The following BCKDHB variants were observed in gnomAD, a reference collection of about 807,000 sequenced individuals.
BCKDHB encodes the protein branched chain keto acid dehydrogenase E1 subunit beta, also known as 2-oxoisovalerate dehydrogenase subunit beta, mitochondrial.
BCKDHB carries 41 observed loss-of-function variants against 48.5 expected under a neutral mutation model. The ratio of observed to expected loss-of-function variants is 0.85; its 90% confidence interval spans 0.66 to 1.10. The LOEUF is 1.10. Ranked by LOEUF, BCKDHB falls within the 50% of genes least tolerant of loss-of-function variation. BCKDHB has a pLI of 0.00. For missense variants in BCKDHB, 496 were observed against 494.2 expected, an observed-to-expected ratio of 1.00 and a Z score of -0.03; for synonymous variants, 201 against 174.8, an observed-to-expected ratio of 1.15 and a Z score of -1.18.
intron 8 of BCKDHB, among the ~76,000 whole-genome samples, chr6:80,227,091 A>G (rs1775712036): frequency 6.6e-6 from 1 of 152,252 alleles, no homozygotes; most frequent in African/African-American, 2.4e-5. Context: ...TACTTTAGTT[A>G]ATATAGATAG....
intron 1 of BCKDHB, among the ~76,000 whole-genome samples, chr6:80,112,574 AACAC>A (rs1168051327): frequency 6.6e-6 from 1 of 152,232 alleles, no homozygotes; most frequent in Non-Finnish European, 1.5e-5. Context: ...TACTATATCA[AACAC>A]ACACAAACAA....
the BCKDHB span, among the ~76,000 whole-genome samples, chr6:80,446,554 C>G: frequency 6.6e-6 from 1 of 152,092 alleles, no homozygotes; most frequent in Non-Finnish European, 1.5e-5. Context: ...GCAGCCTGCC[C>G]AGTCTCAGAA....
At chr6:80,332,926 G>GA (rs34943803) in intron 9 of BCKDHB, among the ~76,000 whole-genome samples, 51 of 147,572 alleles carry the variant, frequency 3.5e-4, no homozygotes, top group African/African-American at 7.3e-4. Flanking sequence ...GCACTAAAAA[G>GA]AAAAAAAAAA....
intron 9 of BCKDHB, among the ~76,000 whole-genome samples, chr6:80,335,580 C>T (rs1769549089): frequency 6.6e-6 from 1 of 152,018 alleles, no homozygotes; most frequent in Non-Finnish European, 1.5e-5. Context: ...TAGCCCAGTA[C>T]ATTTTAAATG....
the BCKDHB span, among the ~76,000 whole-genome samples, chr6:80,364,058 C>T: frequency 6.6e-6 from 1 of 152,222 alleles, no homozygotes; most frequent in Non-Finnish European, 1.5e-5. Context: ...ACACACAACA[C>T]TTTCTTCTTT....
At chr6:80,150,453 T>C (rs1771715617) in intron 3 of BCKDHB, among the ~76,000 whole-genome samples, 1 of 152,060 alleles carries the variant, frequency 6.6e-6, no homozygotes, top group Admixed American at 6.6e-5. Flanking sequence ...ACAGTAAATA[T>C]ATTGCATATC....
chr6:80,417,926 T>C, the BCKDHB span, among the ~76,000 whole-genome samples: 1 of 152,162 alleles, frequency 6.6e-6, no homozygotes, highest in Non-Finnish European at 1.5e-5. Context: ...TGAAGTATGT[T>C]TTCCATGTTG....
At chr6:80,317,929 AC>A (rs1186996250) in intron 9 of BCKDHB, among the ~76,000 whole-genome samples, 1 of 151,966 alleles carries the variant, frequency 6.6e-6, no homozygotes, top group African/African-American at 2.4e-5. Context: ...CTCTCCCTCT[AC>A]TTTCCTCCAG....
the BCKDHB span, among the ~76,000 whole-genome samples, chr6:80,410,858 G>C: frequency 1.3e-5 from 2 of 152,066 alleles, no homozygotes; most frequent in African/African-American, 2.4e-5. Flanking sequence ...CTTTTTTCAA[G>C]GTTTTTAGCT....
At chr6:80,421,420 C>T in the BCKDHB span, among the ~76,000 whole-genome samples, 1 of 152,102 alleles carries the variant, frequency 6.6e-6, no homozygotes, top group East Asian at 1.9e-4. Context: ...GGGAGTGGGG[C>T]ACTGCTATAA....
At chr6:80,203,346 A>G in intron 8 of BCKDHB, 134 bp downstream of exon 8, 1 of 697,718 alleles carries the variant, frequency 1.4e-6, no homozygotes, top group East Asian at 2.7e-5. Context: ...TTAAATTTGC[A>G]GCATGAAAGA....
chr6:80,446,988 GT>G, the BCKDHB span, among the ~76,000 whole-genome samples: 22 of 152,214 alleles, frequency 1.4e-4, no homozygotes, highest in East Asian at 4.1e-3. Context: ...TTTTTAGGCA[GT>G]TTTTAATCAA....
At chr6:80,294,563 GA>G (rs1562209801) in intron 9 of BCKDHB, among the ~76,000 whole-genome samples, 1 of 152,124 alleles carries the variant, frequency 6.6e-6, no homozygotes, top group African/African-American at 2.4e-5. Flanking sequence ...TCCTAGCAAG[GA>G]ATATTTATAT....
chr6:80,218,053 C>T (rs1775252574), intron 8 of BCKDHB, among the ~76,000 whole-genome samples: 1 of 152,144 alleles, frequency 6.6e-6, no homozygotes, highest in Non-Finnish European at 1.5e-5. Flanking sequence ...CTCTGCTTTG[C>T]GTTTTGCTTT....
chr6:80,115,887 C>T (rs761871383), intron 1 of BCKDHB, among the ~76,000 whole-genome samples: 65 of 144,864 alleles, frequency 4.5e-4, no homozygotes, highest in Non-Finnish European at 6.7e-4. Context: ...CCACCCCCCT[C>T]GGCCTCCCAA....
rs931214538 is a variant in BCKDHB, at chr6:80,231,159, T to C, written c.951+27947T>C. The stretch of plus-strand genomic sequence containing the variant: ...TGGGAAGGATAGTTTACTGAATAAA[T>C]GGTGCTGACAGTTTATGTAAATTCT... On this transcript the variant is annotated intron_variant, in intron 8 of 9. Transcript: ENST00000320393. Among the ~76,000 whole-genome samples, 8 of 152,182 alleles carry C rather than the reference T, an allele frequency of 5.3e-5. 1 individual carries two copies. The highest frequency in any genetic ancestry group is 1.9e-4 in the African/African-American group (8 of 41,434).
the BCKDHB span, among the ~76,000 whole-genome samples, chr6:80,431,744 C>G: frequency 1.3e-5 from 2 of 152,184 alleles, no homozygotes; most frequent in African/African-American, 4.8e-5. Flanking sequence ...CTCTTGAATA[C>G]AGCACACTGA....
At chr6:80,149,986 A>AT (rs987287768) in intron 3 of BCKDHB, among the ~76,000 whole-genome samples, 3 of 150,826 alleles carry the variant, frequency 2.0e-5, no homozygotes, top group South Asian at 4.2e-4. Flanking sequence ...AATAATAATA[A>AT]AAAAAAATAG....
At chr6:80,134,453 T>C (rs533874598) in intron 3 of BCKDHB, among the ~76,000 whole-genome samples, 13 of 152,176 alleles carry the variant, frequency 8.5e-5, no homozygotes, top group Non-Finnish European at 1.9e-4. Flanking sequence ...AGTTTTTGTC[T>C]ATAATATATC....
Sources: gnomAD v4.1 joint callset for allele counts (sites outside exome capture counted in the v4.1 genomes callset) on GRCh38, gnomAD v4.1.1 for gene constraint, MANE v1.5 for transcripts, NCBI Gene and HGNC (gene_info 2026-07-23, HGNC 2026-07-21) for gene names.